FGF14: variants seen among roughly 807,000 people sequenced by gnomAD.
FGF14 encodes fibroblast growth factor 14.
Under a neutral mutation model 25.5 loss-of-function variants are expected in FGF14, and 5 were observed. The ratio of observed to expected loss-of-function variants is 0.20; its 90% CI spans 0.10 to 0.41. The LOEUF is 0.41. Among genes scored for constraint, FGF14 ranks in the 10% least tolerant of loss-of-function variants. FGF14 has a pLI of 1.00. For missense variants in FGF14, 222 were observed against 320.1 expected (o/e 0.69, Z 2.34); for synonymous variants, 138 against 118.3 (o/e 1.17, Z -1.08).
chr13:102,012,022 T>C (rs1476084324), intron 1 of FGF14, among the ~76,000 whole-genome samples: 1 of 152,186 alleles, frequency 6.6e-6, no homozygotes, highest in African/African-American at 2.4e-5. Flanking sequence ...GAGATTTTTC[T>C]AGGTTTAGCT....
At chr13:101,892,659 T>G (rs1439218728) in intron 1 of FGF14, among the ~76,000 whole-genome samples, 1 of 152,148 alleles carries the variant, frequency 6.6e-6, no homozygotes, top group East Asian at 1.9e-4. Context: ...AATCTAACAT[T>G]TGACAGTAGG....
chr13:102,015,352 T>G, intron 1 of FGF14, among the ~76,000 whole-genome samples: 1 of 152,216 alleles, frequency 6.6e-6, no homozygotes. Flanking sequence ...TCTGTTAACT[T>G]ATTTCACATT....
At chr13:102,357,215 G>A (rs957684723) in intron 1 of FGF14, among the ~76,000 whole-genome samples, 2 of 151,630 alleles carry the variant, frequency 1.3e-5, no homozygotes, top group South Asian at 4.2e-4. Flanking sequence ...CCTCGAGGGT[G>A]TAGGATGTAC....
At chr13:101,957,366 A>G (rs1322473650) in intron 1 of FGF14, among the ~76,000 whole-genome samples, 1 of 152,204 alleles carries the variant, frequency 6.6e-6, no homozygotes, top group African/African-American at 2.4e-5. Flanking sequence ...TATATGTTAG[A>G]CAAAGAGGAA....
chr13:101,892,570 T>C (rs1007569851), intron 1 of FGF14, among the ~76,000 whole-genome samples: 6 of 152,200 alleles, frequency 3.9e-5, no homozygotes, highest in African/African-American at 1.2e-4. Context: ...CCCAGTGTTA[T>C]ATGGCTAAAG....
rs542563490 is a variant in FGF14 at position 102,230,443 on chromosome 13, A to G, written c.208+171028T>C. ...AAACACTGCAATTACAAAGTAAAAT[A>G]AAAGGGTCCTATATTTAGAGCTCCA... On this transcript the variant is annotated intron_variant, in intron 1 of 4. Transcript: ENST00000376131. Among the ~76,000 whole-genome samples the G allele has an allele frequency of 3.3e-5, 5 of 152,308 alleles. No homozygotes were observed. In the South Asian group the frequency reaches 1.0e-3, roughly 32 times the overall value.
At chr13:101,969,408 C>CA (rs151264681) in intron 1 of FGF14, among the ~76,000 whole-genome samples, 2,947 of 150,624 alleles carry the variant, frequency 0.02, 85 homozygotes, top group African/African-American at 0.064. Context: ...CTAAAAATAA[C>CA]AAAAAAAAAG....
At position 102,338,999 on chromosome 13, in the gene FGF14, G is replaced by C. The variant is rs1029621406; in HGVS notation, c.208+62472C>G. 1.2e-4 allele frequency among the ~76,000 whole-genome samples: 14 copies of C among 112,696 alleles called. No individual in the cohort carries two copies. The Admixed American group carries it at 1.4e-3, about 11-fold the overall frequency. The allele number at this position is 112,696 out of a possible 152,430, so 73.9% of individuals were successfully genotyped here. A position where few individuals can be genotyped will look rare whatever the true frequency, so the allele number is the denominator to read the frequency against. ...CTCTCCAGCCTGGGCAACAGAGTAAGACTCTGTCTCAAAAAAAAAAAAAAA... is the reference window on the plus strand; with the variant it reads ...CTCTCCAGCCTGGGCAACAGAGTAACACTCTGTCTCAAAAAAAAAAAAAAA... On this transcript the variant is annotated intron_variant, in intron 1 of 4. Coordinates refer to the FGF14 transcript ENST00000376131.
rs1294407242 is a variant in FGF14 at position 101,850,292 on chromosome 13, A to C, written c.408+18433T>G. ...CTACTAAAAATCCAAAAAAAAAAAA[A>C]AAAAAAAAAAAAATAGCCGGGCATA... On this transcript the variant is annotated intron_variant, in intron 3 of 4. Coordinates refer to ENST00000376143, the MANE Select transcript of FGF14 (RefSeq NM_004115.4). Among the ~76,000 whole-genome samples the C allele has an allele frequency of 1.1e-4, 15 of 142,812 alleles. 2 individuals carry two copies. Among genetic ancestry groups the C allele is most frequent in the South Asian group, 9.0e-4 (4 of 4,468 alleles). 93.7% of individuals were successfully genotyped at this position (142,812 alleles called of 152,430 possible).
intron 1 of FGF14, among the ~76,000 whole-genome samples, chr13:102,169,651 G>T (rs189760438): frequency 9.8e-5 from 15 of 152,312 alleles, no homozygotes; most frequent in Admixed American, 1.3e-4. Context: ...ACATGTTAAA[G>T]AAGTGGGGTT....
intron 1 of FGF14, among the ~76,000 whole-genome samples, chr13:102,158,168 G>A (rs1023434408): frequency 6.6e-6 from 1 of 152,148 alleles, no homozygotes; most frequent in African/African-American, 2.4e-5. Flanking sequence ...ATCCCTTACT[G>A]GGTATATACC....
chr13:101,938,960 T>C (rs1242630982), intron 1 of FGF14, among the ~76,000 whole-genome samples: 1 of 152,198 alleles, frequency 6.6e-6, no homozygotes, highest in Non-Finnish European at 1.5e-5. Context: ...GTTATCATAA[T>C]GGAGTGGGGA....
rs143489769 is a variant in FGF14 at position 101,841,575 on chromosome 13, G to T, written c.408+27150C>A. Among the ~76,000 whole-genome samples, 644 of 152,056 alleles carry T rather than the reference G, an allele frequency of 4.2e-3. 2 individuals are homozygous for T. The highest frequency in any genetic ancestry group is 0.015 in the African/African-American group (623 of 41,498). ...ACAAATTCAGTCTCATATCTCAGAA[G>T]TCATAAAACCTAAGACTAGCAAGAA... is the stretch of plus-strand genomic sequence containing the variant. On this transcript the variant is annotated intron_variant, in intron 3 of 4. Transcript: ENST00000376143.
chr13:101,926,441 C>T (rs565780255), intron 1 of FGF14, among the ~76,000 whole-genome samples: 1 of 152,082 alleles, frequency 6.6e-6, no homozygotes, highest in Non-Finnish European at 1.5e-5. Flanking sequence ...TTTGCTGGAC[C>T]GCTCCAGTAC....
At chr13:101,976,822 A>T (rs1463400035) in intron 1 of FGF14, among the ~76,000 whole-genome samples, 1 of 152,200 alleles carries the variant, frequency 6.6e-6, no homozygotes, top group African/African-American at 2.4e-5. Context: ...GCTGTAAACT[A>T]CCCCAACTTG....
chr13:102,104,871 C>A (rs1397236121), intron 1 of FGF14, among the ~76,000 whole-genome samples: 1 of 152,084 alleles, frequency 6.6e-6, no homozygotes, highest in African/African-American at 2.4e-5. Context: ...TTTTCCTTTG[C>A]CCCTGAAATC....
chr13:102,179,635 C>T (rs1874828141), intron 1 of FGF14, among the ~76,000 whole-genome samples: 1 of 152,156 alleles, frequency 6.6e-6, no homozygotes, highest in Non-Finnish European at 1.5e-5. Flanking sequence ...TAAATTGAGA[C>T]TTACAGTGGT....
At chr13:101,940,426 G>C (rs1398193581) in intron 1 of FGF14, among the ~76,000 whole-genome samples, 2 of 152,218 alleles carry the variant, frequency 1.3e-5, no homozygotes, top group Non-Finnish European at 2.9e-5. Context: ...TTTCCAAGGT[G>C]AATGGGAAAG....
intron 1 of FGF14, chr13:102,353,967 G>C (rs1832248): frequency 0.38 from 61,681 of 164,040 alleles, 14,659 homozygotes; most frequent in African/African-American, 0.69. Context: ...CTGTTGTATA[G>C]ACTTTTTGAA....
Sources: gnomAD v4.1 joint callset for allele counts (sites outside exome capture counted in the v4.1 genomes callset) on GRCh38, gnomAD v4.1.1 for gene constraint, MANE v1.5 for transcripts, NCBI Gene and HGNC (gene_info 2026-07-23, HGNC 2026-07-21) for gene names.